The following RIC8B variants were observed in gnomAD, a reference collection of about 807,000 sequenced individuals.
The protein encoded by RIC8B is chaperone Ric-8B.
In RIC8B, 16 loss-of-function variants were observed where a neutral mutation model predicts 57.5. That is an observed-to-expected ratio of 0.28 (90% CI 0.19 to 0.42). The LOEUF is 0.42. Ranked by LOEUF, RIC8B falls within the 10% of genes least tolerant of loss-of-function variation. The pLI, the probability that RIC8B is intolerant of heterozygous loss-of-function variation, is 1.00. For missense variants in RIC8B, 481 were observed against 677.0 expected, an observed-to-expected ratio of 0.71 and a Z score of 3.21; for synonymous variants, 216 against 250.8, an observed-to-expected ratio of 0.86 and a Z score of 1.31.
Position 106,887,778 on chromosome 12 carries a change from A to AG in RIC8B, c.*1765dup, listed in dbSNP as rs1951241163. 6.6e-6 allele frequency: 1 copy of AG among 152,254 alleles called. No homozygotes were observed. Among genetic ancestry groups the AG allele is most frequent in the African/African-American group, 2.4e-5 (1 of 41,470 alleles). 9.4% of individuals were successfully genotyped at this position (152,254 alleles called of 1,614,324 possible). ...AAATCTGGGACTGTCTACTTACCAA[A>AG]GGATACTCTAGTTGACCCAGAAAAT... On this transcript the variant is annotated 3_prime_UTR_variant, in exon 10 of 10. Transcript: ENST00000392837.
intron 8 of RIC8B, chr12:106,868,289 T>C (rs1206436448): frequency 2.2e-6 from 1 of 456,788 alleles, no homozygotes; most frequent in Non-Finnish European, 4.4e-6. Context: ...GGCCTGATTT[T>C]TCAAATTACA....
At chr12:106,788,793 C>T (rs780550187) in intron 2 of RIC8B, among the ~76,000 whole-genome samples, 3 of 152,156 alleles carry the variant, frequency 2.0e-5, no homozygotes, top group African/African-American at 4.8e-5. Flanking sequence ...CCTAGGCTTC[C>T]GGGTCTGTAA....
chr12:106,880,968 TCATTAGGAGTCC>T (rs1950897676), intron 9 of RIC8B, among the ~76,000 whole-genome samples: 1 of 152,208 alleles, frequency 6.6e-6, no homozygotes, highest in Non-Finnish European at 1.5e-5. Context: ...CATGGTTTAG[TCATTAGGAGTCC>T]CATTAGACAC....
At chr12:106,789,461 T>C (rs139683108) in intron 2 of RIC8B, among the ~76,000 whole-genome samples, 5 of 152,226 alleles carry the variant, frequency 3.3e-5, no homozygotes, top group East Asian at 1.9e-4. Context: ...AATAAAGACA[T>C]ACCCGAGACT....
chr12:106,794,037 GA>G (rs1267577723), intron 2 of RIC8B, among the ~76,000 whole-genome samples: 2 of 152,078 alleles, frequency 1.3e-5, no homozygotes, highest in Non-Finnish European at 2.9e-5. Context: ...AGAACTAAAG[GA>G]AACCATGATT....
At chr12:106,788,422 G>T (rs1161099290) in intron 2 of RIC8B, among the ~76,000 whole-genome samples, 1 of 152,202 alleles carries the variant, frequency 6.6e-6, no homozygotes, top group Non-Finnish European at 1.5e-5. Flanking sequence ...CGGTGCCCCA[G>T]TAGGGACTCC....
intron 2 of RIC8B, chr12:106,798,198 C>T (rs564999736): frequency 2.0e-6 from 1 of 498,620 alleles, no homozygotes; most frequent in Non-Finnish European, 3.6e-6. Context: ...GTAAGGTTTC[C>T]TTTTCTCGGT....
intron 9 of RIC8B, among the ~76,000 whole-genome samples, chr12:106,885,237 CTTTGAAGA>C (rs930049576): frequency 6.6e-6 from 1 of 152,032 alleles, no homozygotes; most frequent in Non-Finnish European, 1.5e-5. Context: ...AGTTGCGGAG[CTTTGAAGA>C]GATTAAAATG....
intron 2 of RIC8B, among the ~76,000 whole-genome samples, chr12:106,801,714 T>C (rs1166740367): frequency 6.6e-6 from 1 of 152,234 alleles, no homozygotes; most frequent in African/African-American, 2.4e-5. Flanking sequence ...ATTTGACCTC[T>C]AGAATCCTCC....
intron 2 of RIC8B, among the ~76,000 whole-genome samples, chr12:106,792,425 A>G (rs1166745190): frequency 6.6e-6 from 1 of 152,184 alleles, no homozygotes; most frequent in African/African-American, 2.4e-5. Context: ...TAATAAGAAT[A>G]CTATCTCTGA....
intron 1 of RIC8B, 173 bp downstream of exon 1, chr12:106,775,002 TCCTGCATCCCACTACCCCCACTGTAGCG>T (rs2043385461): frequency 1.7e-6 from 1 of 596,220 alleles, no homozygotes; most frequent in South Asian, 2.0e-5. Flanking sequence ...CATCCATGCA[TCCTGCATCCCACTACCCCCACTGTAGCG>T]CCCACTCCTC....
chr12:106,842,555 G>A (rs1393022705), intron 4 of RIC8B, 34 bp from the exon 5 acceptor site: 1 of 1,517,940 alleles, frequency 6.6e-7, no homozygotes, highest in Admixed American at 1.7e-5. Context: ...ATTCAATCAA[G>A]TTAAAATATT....
intron 4 of RIC8B, among the ~76,000 whole-genome samples, chr12:106,829,304 G>T (rs1273550018): frequency 6.6e-6 from 1 of 152,090 alleles, no homozygotes; most frequent in Non-Finnish European, 1.5e-5. Flanking sequence ...TAAATACTTA[G>T]CCCAAAAAAG....
At chr12:106,774,852 G>T in intron 1 of RIC8B, 23 bp downstream of exon 1, 4 of 1,534,208 alleles carry the variant, frequency 2.6e-6, no homozygotes, top group Non-Finnish European at 3.5e-6. Context: ...GGCCCCGGGC[G>T]TGCGGTATCG....
intron 1 of RIC8B, among the ~76,000 whole-genome samples, chr12:106,777,957 G>A (rs1036879021): frequency 6.6e-6 from 1 of 152,086 alleles, no homozygotes; most frequent in East Asian, 1.9e-4. Flanking sequence ...GACCCTAAAC[G>A]AGTTACTTAA....
At chr12:106,814,569 T>A in intron 2 of RIC8B, 127 bp from the exon 3 acceptor site, 1 of 1,004,084 alleles carries the variant, frequency 1.0e-6, no homozygotes, top group Non-Finnish European at 1.5e-6. Flanking sequence ...TTCCGTGATT[T>A]AAAAAATAAT....
chr12:106,878,903 A>T (rs1408953536), intron 9 of RIC8B: 2 of 866,034 alleles, frequency 2.3e-6, no homozygotes, highest in East Asian at 2.4e-4. Flanking sequence ...GCAGTACTCA[A>T]TTAGAGGGAG....
intron 3 of RIC8B, among the ~76,000 whole-genome samples, chr12:106,818,077 A>G (rs1288289036): frequency 6.6e-6 from 1 of 152,228 alleles, no homozygotes. Flanking sequence ...TGAAAATAAT[A>G]TATGCTCATT....
intron 2 of RIC8B, among the ~76,000 whole-genome samples, chr12:106,811,255 C>T (rs1199167326): frequency 1.3e-5 from 2 of 152,236 alleles, no homozygotes; most frequent in African/African-American, 4.8e-5. Context: ...CTGTGTTCGT[C>T]TGGTCAGGTA....
Sources: allele counts gnomAD v4.1 joint callset (sites outside exome capture counted in the v4.1 genomes callset), GRCh38; gene constraint gnomAD v4.1.1; transcripts MANE v1.5; gene names NCBI Gene and HGNC (gene_info 2026-07-23, HGNC 2026-07-21).